Variants in PIAS1 observed in about 807,000 individuals in gnomAD.
PIAS1 encodes protein inhibitor of activated STAT 1.
A neutral mutation model predicts 71.3 loss-of-function variants in PIAS1; 6 were observed. The ratio of observed to expected loss-of-function variants is 0.08; its 90% CI spans 0.05 to 0.17. The LOEUF (loss-of-function observed/expected upper bound fraction) is 0.17. Ranked by LOEUF, PIAS1 falls within the 10% of genes least tolerant of loss-of-function variation. The probability of loss-of-function intolerance (pLI) is 1.00; values close to 1 mark genes in which losing one functional copy is unlikely to be tolerated. For missense variants in PIAS1, 555 were observed against 793.6 expected (o/e 0.70, Z 3.61); for synonymous variants, 303 against 292.9 (o/e 1.03, Z -0.35).
rs556480803 is a variant in PIAS1 at position 68,185,835 on chromosome 15, G to A, written c.1663-1707G>A. ...AAATTAGCTGGGCGTGGTGCTACAC[G>A]CCTGTAATCCCAGCTACTCGGGAGG... On this transcript the variant is annotated intron_variant, in intron 13 of 13. Coordinates refer to ENST00000249636, the MANE Select transcript of PIAS1 (RefSeq NM_016166.3). The surrounding 1 kb of genome is among the most constrained non-coding windows in gnomAD (Gnocchi z 4.4). Among the ~76,000 whole-genome samples, 50 of 152,204 alleles carry A rather than the reference G, an allele frequency of 3.3e-4. No individual in the cohort carries two copies. The highest frequency in any genetic ancestry group is 8.9e-4 in the African/African-American group (37 of 41,524).
At chr15:68,114,730 ATTT>A (rs969586772) in intron 2 of PIAS1, among the ~76,000 whole-genome samples, 1 of 149,528 alleles carries the variant, frequency 6.7e-6, no homozygotes, top group Non-Finnish European at 1.5e-5. Flanking sequence ...ATGTATCTAG[ATTT>A]TTTTTTTACT....
chr15:68,068,056 G>A (rs1227718195), intron 1 of PIAS1, among the ~76,000 whole-genome samples: 1 of 150,328 alleles, frequency 6.7e-6, no homozygotes, highest in African/African-American at 2.4e-5. Context: ...GGAGAAGGTG[G>A]AGAGGAAAGT....
chr15:68,180,916 T>G (rs1447361046), intron 11 of PIAS1, among the ~76,000 whole-genome samples: 4 of 152,242 alleles, frequency 2.6e-5, no homozygotes, highest in African/African-American at 7.2e-5. Flanking sequence ...CAACTGTACC[T>G]TTCTCTTGCA....
Position 68,061,173 on chromosome 15 carries a change from G to A in PIAS1, c.24+6823G>A, listed in dbSNP as rs186068780. ...TCTAAATTTGATTCGTTCGACTTTG[G>A]TCTTCACCTAAATCTGTATTTATGT... On this transcript the variant is annotated intron_variant, in intron 1 of 13. Transcript: ENST00000249636. Among the ~76,000 whole-genome samples the A allele has an allele frequency of 4.0e-3, 609 of 152,306 alleles. 3 individuals are homozygous for A. Among genetic ancestry groups the A allele is most frequent in the Non-Finnish European group, 6.4e-3 (435 of 68,036 alleles).
chr15:68,133,318 A>C (rs1295930153), intron 2 of PIAS1, among the ~76,000 whole-genome samples: 1 of 152,164 alleles, frequency 6.6e-6, no homozygotes, highest in Non-Finnish European at 1.5e-5. Flanking sequence ...CAGGAAGGTT[A>C]AAGATGTAAA....
intron 11 of PIAS1, among the ~76,000 whole-genome samples, chr15:68,180,189 C>T (rs953696882): frequency 1.3e-4 from 20 of 152,088 alleles, no homozygotes; most frequent in African/African-American, 4.1e-4. Flanking sequence ...CAGCCTCGAC[C>T]CCCCAGGCTC....
chr15:68,159,573 A>C (rs1338275756), intron 7 of PIAS1, among the ~76,000 whole-genome samples: 1 of 152,136 alleles, frequency 6.6e-6, no homozygotes, highest in Non-Finnish European at 1.5e-5. Context: ...TACAATATGT[A>C]GCCTTTTGCG....
chr15:68,161,214 T>G (rs1215519316), intron 7 of PIAS1, among the ~76,000 whole-genome samples: 1 of 152,150 alleles, frequency 6.6e-6, no homozygotes, highest in Non-Finnish European at 1.5e-5. Flanking sequence ...TCCAAAAATA[T>G]GAAACACGTG....
Position 68,168,606 on chromosome 15 carries a change from TTC to T in PIAS1, c.1008+3808_1008+3809del, listed in dbSNP as rs1383321642. Among the ~76,000 whole-genome samples, 3 of 152,352 alleles carry T rather than the reference TTC, an allele frequency of 2.0e-5. No homozygotes were observed. In the East Asian group the frequency reaches 5.8e-4, roughly 29 times the overall value. On this transcript the variant is annotated intron_variant, in intron 8 of 13. Coordinates refer to ENST00000249636, the MANE Select transcript of PIAS1 (RefSeq NM_016166.3). The stretch of plus-strand genomic sequence containing the variant: ...AAGATGAAGACGTTCAAAGCTCAGC[TTC>T]TCTCTTGTTACCAAGTTAGAGAAAA...
Position 68,188,326 on chromosome 15 carries a change from CTGTT to C in PIAS1, c.*495_*498del, listed in dbSNP as rs1187699085. 1 of 157,996 alleles carries C rather than the reference CTGTT, an allele frequency of 6.3e-6. No homozygotes were observed. The highest frequency in any genetic ancestry group is 1.4e-5 in the Non-Finnish European group (1 of 71,466). 9.8% of individuals were successfully genotyped at this position (157,996 alleles called of 1,614,324 possible). ...TTTCTGAAAACGACAGACTTGGATT[CTGTT>C]TGTGTGTGCATATTTTATCCAGCCT... is the stretch of plus-strand genomic sequence containing the variant. On this transcript the variant is annotated 3_prime_UTR_variant, in exon 14 of 14. Transcript: ENST00000249636.
At chr15:68,110,775 A>G (rs537018925) in intron 2 of PIAS1, among the ~76,000 whole-genome samples, 1 of 152,126 alleles carries the variant, frequency 6.6e-6, no homozygotes, top group Non-Finnish European at 1.5e-5. Context: ...AATAAATTCT[A>G]TGTAGTTGCA....
At chr15:68,136,823 C>G (rs993121510) in intron 2 of PIAS1, among the ~76,000 whole-genome samples, 3 of 152,090 alleles carry the variant, frequency 2.0e-5, no homozygotes, top group Admixed American at 2.0e-4. Flanking sequence ...TTGTAGCAGA[C>G]TGGAGGAAAT....
chr15:68,083,512 A>G (rs1349445294), intron 1 of PIAS1, among the ~76,000 whole-genome samples: 3 of 152,150 alleles, frequency 2.0e-5, no homozygotes, highest in Non-Finnish European at 4.4e-5. Flanking sequence ...AAAAGCCAAA[A>G]TGTTGAAGCT....
intron 1 of PIAS1, among the ~76,000 whole-genome samples, chr15:68,085,318 T>C (rs1188893422): frequency 6.6e-6 from 1 of 152,176 alleles, no homozygotes; most frequent in East Asian, 1.9e-4. Flanking sequence ...TTGGATTCCA[T>C]TTTCCACCAC....
chr15:68,153,476 A>G, intron 6 of PIAS1, 114 bp from the exon 7 acceptor site: 1 of 596,086 alleles, frequency 1.7e-6, no homozygotes, highest in Non-Finnish European at 3.0e-6. Context: ...ACTGCTTGAC[A>G]CACAGTAGGT....
intron 2 of PIAS1, among the ~76,000 whole-genome samples, chr15:68,107,422 A>G (rs754783574): frequency 2.0e-5 from 3 of 152,200 alleles, no homozygotes; most frequent in African/African-American, 4.8e-5. Flanking sequence ...CTTAAGTTGT[A>G]TATTTCAGAA....
At chr15:68,074,278 C>G (rs771864656) in intron 1 of PIAS1, among the ~76,000 whole-genome samples, 2 of 152,202 alleles carry the variant, frequency 1.3e-5, no homozygotes, top group Non-Finnish European at 2.9e-5. Flanking sequence ...TGATATTGTT[C>G]TTCTTCTGTC....
At chr15:68,148,179 G>A (rs891136859) in intron 6 of PIAS1, among the ~76,000 whole-genome samples, 1 of 152,138 alleles carries the variant, frequency 6.6e-6, no homozygotes, top group Admixed American at 6.6e-5. Context: ...GTCAGGGAGG[G>A]CTTCCCTGAG....
intron 1 of PIAS1, among the ~76,000 whole-genome samples, chr15:68,071,875 G>T (rs2140966173): frequency 6.6e-6 from 1 of 152,114 alleles, no homozygotes; most frequent in South Asian, 2.1e-4. Context: ...TTGAGCCTGG[G>T]AGGTCAAGGC....
Sources: allele counts gnomAD v4.1 joint callset (sites outside exome capture counted in the v4.1 genomes callset), GRCh38; gene constraint gnomAD v4.1.1; non-coding constraint Gnocchi (gnomAD v3.1); transcripts MANE v1.5; gene names NCBI Gene and HGNC (gene_info 2026-07-23, HGNC 2026-07-21).